TRIP12: variants seen among roughly 807,000 people sequenced by gnomAD.
The protein encoded by TRIP12 is thyroid hormone receptor interactor 12.
In TRIP12, 25 loss-of-function variants were observed where a neutral mutation model predicts 244.2. The ratio of observed to expected loss-of-function variants is 0.10; its 90% CI spans 0.07 to 0.14. The LOEUF is 0.14. TRIP12 is among the 10% of genes least tolerant of loss of function. The pLI is 1.00. For synonymous variants in TRIP12, 905 were observed against 873.1 expected (o/e 1.04, Z -0.64); for missense variants, 1,677 against 2,486.4 (o/e 0.67, Z 6.92).
intron 2 of TRIP12, among the ~76,000 whole-genome samples, chr2:229,877,350 T>C (rs1344681567): frequency 6.6e-6 from 1 of 151,664 alleles, no homozygotes; most frequent in Non-Finnish European, 1.5e-5. Context: ...GCCAAGATGG[T>C]GAAACCTCGT....
intron 2 of TRIP12, among the ~76,000 whole-genome samples, chr2:229,872,825 G>A (rs1456476996): frequency 6.6e-6 from 1 of 152,082 alleles, no homozygotes; most frequent in African/African-American, 2.4e-5. Context: ...ACCAGTGTAT[G>A]TCATTTATCT....
chr2:229,786,031 C>T (rs567145946), intron 33 of TRIP12, among the ~76,000 whole-genome samples, 176 bp from the exon 34 acceptor site: 1 of 152,336 alleles, frequency 6.6e-6, no homozygotes, highest in East Asian at 1.9e-4. Context: ...CAAATATCAA[C>T]AGCACCCTGG....
intron 2 of TRIP12, among the ~76,000 whole-genome samples, chr2:229,865,655 A>G (rs1402435584): frequency 2.0e-5 from 3 of 152,192 alleles, no homozygotes; most frequent in East Asian, 1.9e-4. Context: ...ATGCTTTTCT[A>G]CTTTAAATAC....
chr2:229,779,065 T>C, intron 34 of TRIP12, 75 bp from the exon 35 acceptor site: 1 of 1,188,794 alleles, frequency 8.4e-7, no homozygotes, highest in Non-Finnish European at 1.3e-6. Flanking sequence ...CTTGGAAATG[T>C]GCACACTAAC....
At chr2:229,895,920 G>C (rs2068688810) in intron 1 of TRIP12, among the ~76,000 whole-genome samples, 1 of 152,074 alleles carries the variant, frequency 6.6e-6, no homozygotes, top group Non-Finnish European at 1.5e-5. Context: ...CCAGAATTTT[G>C]AGACTACAGT....
At chr2:229,867,173 T>G (rs2061690040) in intron 2 of TRIP12, among the ~76,000 whole-genome samples, 1 of 40,196 alleles carries the variant, frequency 2.5e-5, no homozygotes, top group African/African-American at 6.1e-5. Context: ...GTTTGTTTGT[T>G]TTTTTTTTTT....
chr2:229,857,152 T>C (rs993983863), intron 4 of TRIP12, among the ~76,000 whole-genome samples: 1 of 152,316 alleles, frequency 6.6e-6, no homozygotes, highest in African/African-American at 2.4e-5. Context: ...AGACACTATA[T>C]ACAATCTTTT....
At chr2:229,915,911 T>C (rs934371897) in intron 1 of TRIP12, among the ~76,000 whole-genome samples, 3 of 152,128 alleles carry the variant, frequency 2.0e-5, no homozygotes, top group Middle Eastern at 3.2e-3. Context: ...CTCAGGCTAG[T>C]CTCAAACTCC....
At chr2:229,838,065 T>C (rs539802981) in intron 5 of TRIP12, among the ~76,000 whole-genome samples, 1 of 152,336 alleles carries the variant, frequency 6.6e-6, no homozygotes, top group South Asian at 2.1e-4. Flanking sequence ...AGACATGTTT[T>C]AGACTAAAGT....
chr2:229,862,114 C>G (rs1373681680), intron 2 of TRIP12, among the ~76,000 whole-genome samples: 1 of 151,990 alleles, frequency 6.6e-6, no homozygotes, highest in African/African-American at 2.4e-5. Flanking sequence ...TGGAGTGCAG[C>G]GACACTATCT....
At chr2:229,809,175 C>T (rs1467183454) in intron 15 of TRIP12, among the ~76,000 whole-genome samples, 1 of 151,992 alleles carries the variant, frequency 6.6e-6, no homozygotes, top group Admixed American at 6.6e-5. Flanking sequence ...ATGATTTGGG[C>T]AGAGATGTGG....
In TRIP12 at chr2:229,784,626, C is replaced by T. The variant is rs571290268; in HGVS notation, c.5094+1131G>A. Among the ~76,000 whole-genome samples the T allele has an allele frequency of 1.3e-4, 19 of 151,128 alleles. 1 individual carries two copies. In the South Asian group the frequency reaches 4.0e-3, roughly 32 times the overall value. ...CCACAAACTGGAAGAAAATAATGGC[C>T]AAAATTCTTGAATACTTCTCCAAAG... is the stretch of plus-strand genomic sequence containing the variant. On this transcript the variant is annotated intron_variant, in intron 34 of 41. Coordinates refer to ENST00000675903, the MANE Select transcript of TRIP12 (RefSeq NM_001348323.3).
chr2:229,871,096 C>T (rs1020763466), intron 2 of TRIP12, among the ~76,000 whole-genome samples: 41 of 151,134 alleles, frequency 2.7e-4, no homozygotes, highest in African/African-American at 9.3e-4. Context: ...ATCACCTAAG[C>T]CTGAGAGACA....
chr2:229,767,985 T>A (rs896142340), intron 41 of TRIP12, among the ~76,000 whole-genome samples: 3 of 152,152 alleles, frequency 2.0e-5, no homozygotes, highest in Non-Finnish European at 4.4e-5. Context: ...TAAAATGGAA[T>A]ACCCACAGTG....
intron 4 of TRIP12, among the ~76,000 whole-genome samples, chr2:229,841,281 A>T (rs941372061): frequency 5.9e-5 from 9 of 152,236 alleles, no homozygotes; most frequent in African/African-American, 2.2e-4. Context: ...ACTAAACGTC[A>T]TTAAGTTTAT....
intron 30 of TRIP12, 72 bp from the exon 31 acceptor site, chr2:229,789,834 T>C: frequency 1.3e-6 from 2 of 1,531,470 alleles, no homozygotes; most frequent in Admixed American, 1.8e-5. Flanking sequence ...CAAGGTCCTA[T>C]CATCGCTAAA....
At chr2:229,846,635 G>A (rs1400269344) in intron 4 of TRIP12, among the ~76,000 whole-genome samples, 2 of 151,352 alleles carry the variant, frequency 1.3e-5, no homozygotes, top group Non-Finnish European at 2.9e-5. Context: ...AGGTATGCCC[G>A]TGTAACTATA....
chr2:229,788,221 C>T (rs1331483843), intron 32 of TRIP12, among the ~76,000 whole-genome samples: 1 of 152,206 alleles, frequency 6.6e-6, no homozygotes, highest in Admixed American at 6.5e-5. Context: ...TAAAATCCTA[C>T]ACTTAAGTCG....
chr2:229,873,915 T>C (rs924671696), intron 2 of TRIP12, among the ~76,000 whole-genome samples: 2 of 152,054 alleles, frequency 1.3e-5, no homozygotes, highest in Admixed American at 1.3e-4. Context: ...CAGATTCTAG[T>C]CAGATGTAAA....
Sources: gnomAD v4.1 joint callset for allele counts (sites outside exome capture counted in the v4.1 genomes callset) on GRCh38, gnomAD v4.1.1 for gene constraint, MANE v1.5 for transcripts, NCBI Gene and HGNC (gene_info 2026-07-23, HGNC 2026-07-21) for gene names.